The following NSD1 variants were observed in gnomAD, a reference collection of about 807,000 sequenced individuals.
The protein encoded by NSD1 is histone-lysine N-methyltransferase, H3 lysine-36 specific.
NSD1 carries 26 observed loss-of-function variants against 242.7 expected under a neutral mutation model. The ratio of observed to expected loss-of-function variants is 0.11; its 90% CI spans 0.08 to 0.15. The LOEUF is 0.15. Among genes scored for constraint, NSD1 ranks in the 10% least tolerant of loss-of-function variants. The probability of loss-of-function intolerance (pLI) is 1.00; values close to 1 mark genes in which losing one functional copy is unlikely to be tolerated. For synonymous variants in NSD1, 1,106 were observed against 1,178.1 expected (o/e 0.94, Z 1.25); for missense variants, 2,495 against 3,272.8 (o/e 0.76, Z 5.80).
chr5:177,291,760 C>G (rs1358561724), intron 21 of NSD1, among the ~76,000 whole-genome samples, 194 bp from the exon 22 acceptor site: 1 of 152,178 alleles, frequency 6.6e-6, no homozygotes, highest in Non-Finnish European at 1.5e-5. Context: ...CTGTTTTGTT[C>G]AGGTGGCAGG....
chr5:177,146,275 G>A lies in NSD1; in HGVS notation c.927+10245G>A, dbSNP rs141327010. Among the ~76,000 whole-genome samples, 618 of 144,174 alleles carry A rather than the reference G, an allele frequency of 4.3e-3. 3 individuals carry two copies. Among genetic ancestry groups the A allele is most frequent in the African/African-American group, 0.014 (566 of 39,234 alleles). The allele number at this position is 144,174 out of a possible 152,430, so 94.6% of individuals were successfully genotyped here. ...GGCTAGAGTGCAGTGGCTCAATCTC[G>A]GCTCACTGCAACCTCCACCTCCTGG... is the stretch of plus-strand genomic sequence containing the variant. On this transcript the variant is annotated intron_variant, in intron 2 of 22. Transcript: ENST00000439151.
chr5:177,237,051 C>T (rs1325105527), intron 6 of NSD1, among the ~76,000 whole-genome samples: 1 of 152,134 alleles, frequency 6.6e-6, no homozygotes, highest in East Asian at 1.9e-4. Context: ...CTATGTTGCC[C>T]TGGCTGGTCT....
intron 2 of NSD1, among the ~76,000 whole-genome samples, chr5:177,178,374 G>T (rs1441161771): frequency 6.6e-6 from 1 of 152,026 alleles, no homozygotes; most frequent in African/African-American, 2.4e-5. Flanking sequence ...TTACAGGCAT[G>T]CACCACCAAG....
intron 5 of NSD1, among the ~76,000 whole-genome samples, chr5:177,234,107 G>A (rs1185526354): frequency 1.3e-5 from 2 of 152,174 alleles, no homozygotes; most frequent in East Asian, 3.8e-4. Flanking sequence ...GATTTTGATG[G>A]CTTCTTCAGT....
rs1327875672 is a variant in NSD1, at chr5:177,294,313, A to G, written c.6945A>G (p.Pro2315=). The G allele has an allele frequency of 1.2e-6, 2 of 1,614,186 alleles. No individual in the cohort carries two copies. Among genetic ancestry groups the G allele is most frequent in the Non-Finnish European group, 1.7e-6 (2 of 1,180,044 alleles). ...KSQSLVSSQR[P]LDRPPAVAGP... is the part of the protein sequence containing the mutation. ...AATCCTTGGTTTCCAGCCAGAGGCC[A>G]CTGGACAGGCCACCAGCAGTGGCAG... is the stretch of plus-strand genomic sequence containing the variant. Residue 2315 remains proline (P), a synonymous_variant, in exon 23 of 23, where the codon CCA becomes CCG. Coordinates refer to ENST00000439151, the MANE Select transcript of NSD1 (RefSeq NM_022455.5).
chr5:177,188,766 C>T lies in NSD1; in HGVS notation c.928-3118C>T, dbSNP rs555726381. ...AGCCTCGCCTCCTTATGCACCAGGACAACAGGCCTGAGCCACCACGGCTCC... is the reference window on the plus strand; with the variant it reads ...AGCCTCGCCTCCTTATGCACCAGGATAACAGGCCTGAGCCACCACGGCTCC... On this transcript the variant is annotated intron_variant, in intron 2 of 22. Transcript: ENST00000439151. Among the ~76,000 whole-genome samples, 105 of 151,998 alleles carry T rather than the reference C, an allele frequency of 6.9e-4. 1 individual carries two copies. The highest frequency in any genetic ancestry group is 2.3e-3 in the African/African-American group (97 of 41,480).
In NSD1 at chr5:177,135,510, C is replaced by G. The variant is rs1323673981; in HGVS notation, c.407C>G (p.Pro136Arg). 1.2e-6 allele frequency: 2 copies of G among 1,614,176 alleles called. No individual in the cohort carries two copies. Among genetic ancestry groups the G allele is most frequent in the South Asian group, 1.1e-5 (1 of 91,074 alleles). Residue 136 changes from proline (P) to arginine (R), a missense_variant, in exon 2 of 23, where the codon CCT becomes CGT. By Grantham distance (103) the Pro-to-Arg change is moderately radical (BLOSUM62 -2). This residue lies in a region of NSD1 where 376 missense variants were observed against 367.4 expected (regional missense o/e 1.02). Coordinates refer to ENST00000439151, the MANE Select transcript of NSD1 (RefSeq NM_022455.5). ...CAGGAACCCTCTTGTAATAACTCCC[C>G]TGAACTCCAGGTAAAAGTAACAAAG... The part of the protein sequence containing the change: ...MKQEPSCNNS[P>R]ELQVKVTKTI...
rs985639457 is a variant in NSD1, at chr5:177,133,823, C to T, written c.-147C>T. Reference sequence around the variant, plus strand: ...CAGGTCGCGCTCGCTGCCTTCTCCCCTGAAGAGAGACGCGGGGGGAGGGGG... The same window carrying T: ...CAGGTCGCGCTCGCTGCCTTCTCCCTTGAAGAGAGACGCGGGGGGAGGGGG... On this transcript the variant is annotated 5_prime_UTR_variant, in exon 1 of 23. Transcript: ENST00000439151. This position sits in a 1 kb window ranked among gnomAD's most constrained non-coding sequence, Gnocchi z 6.2. The T allele has an allele frequency of 2.0e-5, 3 of 148,830 alleles. No homozygotes were observed. Among genetic ancestry groups the T allele is most frequent in the African/African-American group, 7.4e-5 (3 of 40,474 alleles). The allele number at this position is 148,830 out of a possible 1,614,324, so 9.2% of individuals were successfully genotyped here.
intron 2 of NSD1, among the ~76,000 whole-genome samples, chr5:177,184,245 A>G (rs1760917707): frequency 6.6e-6 from 1 of 152,180 alleles, no homozygotes; most frequent in Admixed American, 6.6e-5. Flanking sequence ...CATTCCTACC[A>G]ACAACGTATG....
chr5:177,271,203 T>C (rs571336429), intron 16 of NSD1, among the ~76,000 whole-genome samples: 103 of 152,318 alleles, frequency 6.8e-4, no homozygotes, highest in Non-Finnish European at 4.4e-5. Context: ...GGGATTTTGG[T>C]ATTATTAATA....
chr5:177,294,566 C>T lies in NSD1; in HGVS notation c.7198C>T (p.Pro2400Ser), dbSNP rs777713632. 6 of 1,614,132 alleles carry T rather than the reference C, an allele frequency of 3.7e-6. No homozygotes were observed. The highest frequency in any genetic ancestry group is 4.2e-6 in the Non-Finnish European group (5 of 1,180,050). ...DRLLITSSPK[P>S]QTSDRPTDKP... ...ACTGCTCATTACTAGCAGTCCCAAA[C>T]CCCAGACTTCAGACAGGCCTACTGA... Residue 2400 changes from proline to serine, a missense_variant, in exon 23 of 23, where the codon CCC becomes TCC. Coordinates refer to ENST00000439151, the MANE Select transcript of NSD1 (RefSeq NM_022455.5).
rs1460977537 is a variant in NSD1, at chr5:177,211,454, C to T, written c.3055C>T (p.Arg1019Cys). The part of the protein sequence containing the change: ...GKSRSDCVTR[R>C]NCGRSKPSSK... ...AAGTCGTTCAGACTGTGTTACTAGG[C>T]GCAACTGTGGACGATCAAAGCCTTC... The change falls in exon 5 of 23, where the codon CGC becomes TGC. Residue 1019 changes from arginine to cysteine, a missense_variant. Physicochemically the swap from Arg to Cys is radical, Grantham distance 180. Around this residue, in one of 19 missense-constraint regions of NSD1, gnomAD observed 426 missense variants for 411.4 expected, o/e 1.04. Transcript: ENST00000439151. The T allele has an allele frequency of 2.5e-6, 4 of 1,613,974 alleles. No individual in the cohort carries two copies. Among genetic ancestry groups the T allele is most frequent in the Non-Finnish European group, 3.4e-6 (4 of 1,180,044 alleles).
chr5:177,259,846 G>GTT (rs978975606), intron 13 of NSD1, 143 bp from the exon 14 acceptor site: 45 of 878,242 alleles, frequency 5.1e-5, no homozygotes, highest in Middle Eastern at 3.3e-4. Context: ...TGGATCGAGT[G>GTT]TTTAAGATCC....
chr5:177,172,290 C>G (rs1396175476), intron 2 of NSD1, among the ~76,000 whole-genome samples: 3 of 152,000 alleles, frequency 2.0e-5, no homozygotes, highest in Non-Finnish European at 4.4e-5. Flanking sequence ...GGGAGAATTT[C>G]TTGAGTTGGG....
intron 2 of NSD1, among the ~76,000 whole-genome samples, chr5:177,161,089 A>T (rs1447599219): frequency 1.3e-5 from 2 of 152,090 alleles, no homozygotes; most frequent in Non-Finnish European, 2.9e-5. Flanking sequence ...GGGAGAATAA[A>T]AAGTTGAGTA....
intron 2 of NSD1, among the ~76,000 whole-genome samples, chr5:177,163,255 GCCTCAGCCTC>G (rs1441660271): frequency 2.0e-5 from 3 of 149,696 alleles, no homozygotes; most frequent in African/African-American, 7.4e-5. Context: ...TGATTCTCCT[GCCTCAGCCTC>G]CCGAGTAGCT....
At chr5:177,147,468 T>C (rs998225500) in intron 2 of NSD1, among the ~76,000 whole-genome samples, 3 of 152,230 alleles carry the variant, frequency 2.0e-5, no homozygotes, top group African/African-American at 7.2e-5. Flanking sequence ...TTTTGTCATT[T>C]CACAAATGTT....
Position 177,295,118 on chromosome 5 carries a change from G to A in NSD1, c.7750G>A (p.Val2584Ile). 4 of 1,613,242 alleles carry A rather than the reference G, an allele frequency of 2.5e-6. No individual in the cohort carries two copies. Among genetic ancestry groups the A allele is most frequent in the Non-Finnish European group, 3.4e-6 (4 of 1,179,338 alleles). ...CCTGGTGAAGCAGGCGAAGCAGATG[G>A]TCGGAGGCCAGCAACTACCTGCACT... The part of the protein sequence containing the change: ...PGLVKQAKQM[V>I]GGQQLPALAA... The change falls in exon 23 of 23, where the codon GTC becomes ATC. Residue 2584 changes from valine to isoleucine, a missense_variant. This residue lies in a region of NSD1 where 475 missense variants were observed against 563.7 expected (regional missense o/e 0.84). Transcript: ENST00000439151. This position sits in a 1 kb window ranked among gnomAD's most constrained non-coding sequence, Gnocchi z 4.3.
intron 2 of NSD1, among the ~76,000 whole-genome samples, chr5:177,164,194 T>G (rs910803872): frequency 1.3e-5 from 2 of 151,302 alleles, no homozygotes; most frequent in African/African-American, 4.9e-5. Context: ...CTAGCTCTGT[T>G]GCCCAAGCTG....
Sources: allele counts gnomAD v4.1 joint callset (sites outside exome capture counted in the v4.1 genomes callset), GRCh38; gene constraint gnomAD v4.1.1; regional missense constraint gnomAD v4.1.1; non-coding constraint Gnocchi (gnomAD v3.1); transcripts MANE v1.5; gene names NCBI Gene and HGNC (gene_info 2026-07-23, HGNC 2026-07-21).